The following NKAIN2 variants were observed in gnomAD, a reference collection of about 807,000 sequenced individuals.
NKAIN2 encodes the protein sodium/potassium-transporting ATPase subunit beta-1-interacting protein 2.
NKAIN2 carries 14 observed loss-of-function variants against 32.6 expected under a neutral mutation model. That is an observed-to-expected ratio of 0.43 (90% CI 0.28 to 0.67). The LOEUF (loss-of-function observed/expected upper bound fraction) is 0.67. NKAIN2 is among the 30% of genes least tolerant of loss of function. The pLI is 0.17. For synonymous variants in NKAIN2, 80 were observed against 87.2 expected (o/e 0.92, Z 0.46); for missense variants, 198 against 258.3 (o/e 0.77, Z 1.60).
rs114049289 is a variant in NKAIN2 at position 124,248,135 on chromosome 6, A to G, written c.55-34870A>G. ...AATACATTTTAGTTCATTGACCAGT[A>G]TGTCAATAAAATTTTAATAAGATTT... is the stretch of plus-strand genomic sequence containing the variant. On this transcript the variant is annotated intron_variant, in intron 1 of 6. Transcript: ENST00000368417. Among the ~76,000 whole-genome samples, 330 of 152,254 alleles carry G rather than the reference A, an allele frequency of 2.2e-3. 1 individual carries two copies. Among genetic ancestry groups the G allele is most frequent in the African/African-American group, 7.1e-3 (296 of 41,562 alleles).
At chr6:124,705,358 G>T (rs951456070) in intron 4 of NKAIN2, among the ~76,000 whole-genome samples, 4 of 152,092 alleles carry the variant, frequency 2.6e-5, no homozygotes, top group East Asian at 3.9e-4. Context: ...GGAATAATCT[G>T]CTGTTAGATG....
chr6:123,824,834 AC>A (rs750039211), intron 1 of NKAIN2, among the ~76,000 whole-genome samples: 5 of 152,116 alleles, frequency 3.3e-5, no homozygotes, highest in East Asian at 3.9e-4. Context: ...GAGGGAGGAC[AC>A]CAGGCAACCT....
intron 4 of NKAIN2, among the ~76,000 whole-genome samples, chr6:124,714,169 C>G (rs577159120): frequency 6.6e-6 from 1 of 152,114 alleles, no homozygotes; most frequent in Non-Finnish European, 1.5e-5. Flanking sequence ...TCCAGAGATT[C>G]GGATGTAATC....
chr6:124,718,894 G>A (rs187292583), intron 4 of NKAIN2, among the ~76,000 whole-genome samples: 22 of 151,612 alleles, frequency 1.5e-4, no homozygotes, highest in Non-Finnish European at 2.8e-4. Flanking sequence ...AAAAATCCAG[G>A]TAAAATTTGA....
intron 2 of NKAIN2, among the ~76,000 whole-genome samples, chr6:124,322,344 C>A (rs1032695297): frequency 2.6e-5 from 4 of 152,056 alleles, no homozygotes; most frequent in Non-Finnish European, 4.4e-5. Context: ...AAGAACTAGT[C>A]CAAAGATGCC....
intron 3 of NKAIN2, among the ~76,000 whole-genome samples, chr6:124,431,584 G>T (rs946982259): frequency 4.6e-5 from 7 of 151,922 alleles, no homozygotes; most frequent in African/African-American, 1.7e-4. Flanking sequence ...TATAAAATAA[G>T]ATATTTTAAC....
chr6:124,183,628 A>G lies in NKAIN2; in HGVS notation c.55-99377A>G, dbSNP rs573730995. On this transcript the variant is annotated intron_variant, in intron 1 of 6. Transcript: ENST00000368417. ...GAGAAAAAAACACTCTTTTTTCTTCAACAACTATTACTGATGTAACATCCT... is the reference window on the plus strand; with the variant it reads ...GAGAAAAAAACACTCTTTTTTCTTCGACAACTATTACTGATGTAACATCCT... 1.4e-4 allele frequency among the ~76,000 whole-genome samples: 21 copies of G among 152,244 alleles called. No individual in the cohort carries two copies. In the East Asian group the frequency reaches 4.0e-3, roughly 29 times the overall value.
At chr6:124,310,517 G>A (rs1562484139) in intron 2 of NKAIN2, among the ~76,000 whole-genome samples, 1 of 151,992 alleles carries the variant, frequency 6.6e-6, no homozygotes, top group East Asian at 1.9e-4. Context: ...AAAACTAAAT[G>A]TACCTCCCTG....
chr6:124,001,909 T>C (rs1779892648), intron 1 of NKAIN2, among the ~76,000 whole-genome samples: 2 of 150,998 alleles, frequency 1.3e-5, no homozygotes, highest in Admixed American at 1.3e-4. Flanking sequence ...TTAATTATCA[T>C]AATTTTGCCA....
chr6:124,318,125 G>A (rs941320100), intron 2 of NKAIN2, among the ~76,000 whole-genome samples: 2 of 152,044 alleles, frequency 1.3e-5, no homozygotes, highest in Admixed American at 6.6e-5. Flanking sequence ...GTTTTGGCAT[G>A]TGTGGAATAT....
intron 3 of NKAIN2, among the ~76,000 whole-genome samples, chr6:124,537,549 G>T (rs1457198493): frequency 6.6e-6 from 1 of 152,092 alleles, no homozygotes; most frequent in Non-Finnish European, 1.5e-5. Flanking sequence ...ATATATCTAT[G>T]TCTATCTCTT....
intron 4 of NKAIN2, among the ~76,000 whole-genome samples, chr6:124,770,919 C>T (rs1778725538): frequency 6.6e-6 from 1 of 152,144 alleles, no homozygotes; most frequent in African/African-American, 2.4e-5. Flanking sequence ...TCTTCCTTTG[C>T]CATATCAGGA....
intron 6 of NKAIN2, among the ~76,000 whole-genome samples, chr6:124,822,461 T>C (rs1020951655): frequency 1.3e-5 from 2 of 152,206 alleles, no homozygotes; most frequent in Non-Finnish European, 2.9e-5. Flanking sequence ...CATTTTTAGC[T>C]GTGGGGCTCC....
chr6:124,398,252 C>CAAAAAAAAAAAAAAAAA lies in NKAIN2; in HGVS notation c.273+42919_273+42935dup, dbSNP rs869039720. 9.0e-4 allele frequency among the ~76,000 whole-genome samples: 62 copies of CAAAAAAAAAAAAAAAAA among 69,050 alleles called. 2 individuals are homozygous for CAAAAAAAAAAAAAAAAA. Among genetic ancestry groups the CAAAAAAAAAAAAAAAAA allele is most frequent in the African/African-American group, 3.2e-3 (41 of 12,914 alleles). 45.3% of individuals were successfully genotyped at this position (69,050 alleles called of 152,430 possible). ...TGGGTGACAGAGAGAGACTGCATCT[C>CAAAAAAAAAAAAAAAAA]AAAAAAAAAAAAAAAAAAAAAAAAA... On this transcript the variant is annotated intron_variant, in intron 3 of 6. Coordinates refer to ENST00000368417, the MANE Select transcript of NKAIN2 (RefSeq NM_001040214.3).
At chr6:123,816,590 GTGAGGGCTTA>G (rs1238162681) in intron 1 of NKAIN2, among the ~76,000 whole-genome samples, 4 of 152,198 alleles carry the variant, frequency 2.6e-5, no homozygotes, top group African/African-American at 9.7e-5. Flanking sequence ...TGCAGGGCTT[GTGAGGGCTTA>G]TGAGAGCTCT....
At chr6:124,361,552 CAG>C (rs1799289594) in intron 3 of NKAIN2, among the ~76,000 whole-genome samples, 1 of 151,966 alleles carries the variant, frequency 6.6e-6, no homozygotes, top group African/African-American at 2.4e-5. Flanking sequence ...ACTATAGTAA[CAG>C]AAATTTATAC....
intron 4 of NKAIN2, among the ~76,000 whole-genome samples, chr6:124,720,909 G>A (rs1221861541): frequency 1.3e-5 from 2 of 152,098 alleles, no homozygotes; most frequent in Admixed American, 1.3e-4. Context: ...CAGTATAGTG[G>A]GATTGTCAAG....
intron 1 of NKAIN2, among the ~76,000 whole-genome samples, chr6:124,267,368 G>A (rs80011510): frequency 0.026 from 3,945 of 151,614 alleles, 162 homozygotes; most frequent in African/African-American, 0.084. Flanking sequence ...TTTCAGCCAG[G>A]CACAGTGGCT....
intron 1 of NKAIN2, among the ~76,000 whole-genome samples, chr6:123,928,748 T>G (rs1463711393): frequency 6.6e-6 from 1 of 152,174 alleles, no homozygotes; most frequent in Non-Finnish European, 1.5e-5. Context: ...GTAATTTCAT[T>G]TCTAGTCATA....
Sources: allele counts gnomAD v4.1 joint callset (sites outside exome capture counted in the v4.1 genomes callset), GRCh38; gene constraint gnomAD v4.1.1; transcripts MANE v1.5; gene names NCBI Gene and HGNC (gene_info 2026-07-23, HGNC 2026-07-21).